Variants in MAP2 observed in about 807,000 individuals in gnomAD.
MAP2 encodes the protein microtubule associated protein 2.
In MAP2, 14 loss-of-function variants were observed where a neutral mutation model predicts 137.6. The ratio of observed to expected loss-of-function variants is 0.10; its 90% confidence interval spans 0.07 to 0.16. The LOEUF (loss-of-function observed/expected upper bound fraction) is 0.16, where lower values mean the gene tolerates loss of function less well. Ranked by LOEUF, MAP2 falls within the 10% of genes least tolerant of loss-of-function variation. The pLI is 1.00. For missense variants in MAP2, 2,088 were observed against 2,191.5 expected (o/e 0.95, Z 0.94); for synonymous variants, 786 against 782.3 (o/e 1.00, Z -0.08).
intron 2 of MAP2, among the ~76,000 whole-genome samples, chr2:209,527,784 C>T (rs1366097459): frequency 6.6e-6 from 1 of 152,152 alleles, no homozygotes. Context: ...TTGGGCTCCA[C>T]CCCAGACCTA....
chr2:209,446,109 G>GA (rs909943721), intron 1 of MAP2, among the ~76,000 whole-genome samples: 1 of 151,172 alleles, frequency 6.6e-6, no homozygotes, highest in African/African-American at 2.4e-5. Context: ...TGTGTTTTCA[G>GA]AAAAAAAAGT....
At chr2:209,587,853 T>C (rs956534367) in intron 3 of MAP2, among the ~76,000 whole-genome samples, 3 of 152,178 alleles carry the variant, frequency 2.0e-5, no homozygotes, top group African/African-American at 7.2e-5. Context: ...TTGTAATTTG[T>C]TGTATACTTA....
intron 1 of MAP2, among the ~76,000 whole-genome samples, chr2:209,441,278 G>T (rs1697696082): frequency 6.6e-6 from 1 of 151,500 alleles, no homozygotes; most frequent in African/African-American, 2.4e-5. Flanking sequence ...CAACAAGGTT[G>T]TTTTTCTTCA....
Position 209,436,440 on chromosome 2 carries a change from T to C in MAP2, c.-222+12164T>C, listed in dbSNP as rs911378293. The stretch of plus-strand genomic sequence containing the variant: ...AGCCACAAACAATAAGCAGTTCTTA[T>C]CATGTTCCAATAAAATTTTATTACT... On this transcript the variant is annotated intron_variant, in intron 1 of 15. Coordinates refer to ENST00000682079, the MANE Select transcript of MAP2 (RefSeq NM_001375505.1). 1.6e-4 allele frequency among the ~76,000 whole-genome samples: 24 copies of C among 151,768 alleles called. 1 individual carries two copies. In the South Asian group the frequency reaches 4.8e-3, roughly 30 times the overall value.
chr2:209,527,400 A>C (rs1027204295), intron 2 of MAP2, among the ~76,000 whole-genome samples: 1 of 152,122 alleles, frequency 6.6e-6, no homozygotes, highest in African/African-American at 2.4e-5. Context: ...ATAGTTGCTC[A>C]ATAATATCTG....
intron 5 of MAP2, among the ~76,000 whole-genome samples, chr2:209,674,659 A>G (rs1447986559): frequency 2.0e-5 from 3 of 151,618 alleles, no homozygotes; most frequent in Non-Finnish European, 4.4e-5. Flanking sequence ...GGATGGATGG[A>G]TGAGGTATTT....
Position 209,693,972 on chromosome 2 carries a change from G to T in MAP2, c.1802G>T (p.Ser601Ile). Reference protein sequence around the residue: ...DYYELSDTRESVHESIDTMSP... With the variant: ...DYYELSDTREIVHESIDTMSP... The stretch of plus-strand genomic sequence containing the variant: ...TATGAACTGAGTGACACTAGAGAAA[G>T]TGTCCATGAGTCTATTGATACCATG... Residue 601 changes from serine to isoleucine, a missense_variant, in exon 8 of 16, where the codon AGT (serine) becomes ATT (isoleucine). Coordinates refer to ENST00000682079, the MANE Select transcript of MAP2 (RefSeq NM_001375505.1). 1 of 1,613,898 alleles carries T rather than the reference G, an allele frequency of 6.2e-7. No homozygotes were observed. The highest frequency in any genetic ancestry group is 8.5e-7 in the Non-Finnish European group (1 of 1,179,960).
intron 4 of MAP2, among the ~76,000 whole-genome samples, chr2:209,634,606 T>C (rs1407365197): frequency 6.6e-6 from 1 of 152,138 alleles, no homozygotes; most frequent in African/African-American, 2.4e-5. Context: ...ACACACCTAA[T>C]CGCAAGGGAA....
At position 209,604,430 on chromosome 2, in the gene MAP2, C is replaced by T. The variant is rs550191545; in HGVS notation, c.-106-20623C>T. Among the ~76,000 whole-genome samples the T allele has an allele frequency of 4.1e-4, 63 of 152,176 alleles. 1 individual carries two copies. Among genetic ancestry groups the T allele is most frequent in the Non-Finnish European group, 6.3e-4 (43 of 67,992 alleles). On this transcript the variant is annotated intron_variant, in intron 3 of 15. Coordinates refer to ENST00000682079, the MANE Select transcript of MAP2 (RefSeq NM_001375505.1). ...GAATTGTAGCAAAAAGGTTTTTGCT[C>T]CTGGTCTAAAGAAACTCACCAATAT...
chr2:209,440,860 C>T (rs1697590186), intron 1 of MAP2, among the ~76,000 whole-genome samples: 1 of 151,526 alleles, frequency 6.6e-6, no homozygotes, highest in African/African-American at 2.4e-5. Flanking sequence ...CACATCCTTG[C>T]CCTCCTGAAG....
At chr2:209,523,889 G>T (rs2063633984) in intron 2 of MAP2, among the ~76,000 whole-genome samples, 1 of 152,092 alleles carries the variant, frequency 6.6e-6, no homozygotes, top group Non-Finnish European at 1.5e-5. Flanking sequence ...TACATAAAAA[G>T]GATGTTAGCA....
intron 7 of MAP2, among the ~76,000 whole-genome samples, chr2:209,681,558 A>G (rs1298020932): frequency 1.3e-5 from 2 of 152,202 alleles, no homozygotes; most frequent in Non-Finnish European, 2.9e-5. Context: ...AAAGGAAACC[A>G]TTACTGGTTC....
chr2:209,522,508 A>C (rs2063426669), intron 2 of MAP2, among the ~76,000 whole-genome samples: 1 of 147,340 alleles, frequency 6.8e-6, no homozygotes, highest in African/African-American at 2.4e-5. Flanking sequence ...TGTGACAAAT[A>C]ATTTTTAAAA....
intron 3 of MAP2, among the ~76,000 whole-genome samples, chr2:209,605,050 A>C (rs978708253): frequency 1.3e-5 from 2 of 152,182 alleles, no homozygotes; most frequent in East Asian, 3.9e-4. Context: ...ATACTAAAAG[A>C]GTATATGCGT....
At chr2:209,653,608 C>G (rs529429442) in intron 5 of MAP2, among the ~76,000 whole-genome samples, 176 bp downstream of exon 5, 53 of 152,176 alleles carry the variant, frequency 3.5e-4, no homozygotes, top group Non-Finnish European at 6.9e-4. Flanking sequence ...TGACATTTCC[C>G]CACATTATCT....
chr2:209,489,508 A>C lies in MAP2; in HGVS notation c.-221-18084A>C, dbSNP rs1441077056. Among the ~76,000 whole-genome samples the C allele has an allele frequency of 2.6e-5, 4 of 152,182 alleles. No individual in the cohort carries two copies. In the East Asian group the frequency reaches 7.7e-4, roughly 29 times the overall value. On this transcript the variant is annotated intron_variant, in intron 1 of 15. Transcript: ENST00000682079. ...GCAAACTCCTCCGACCTAAGGGAGCATGTTCTAACCCAATGAAAGGAAGCT... is the reference window on the plus strand; with the variant it reads ...GCAAACTCCTCCGACCTAAGGGAGCCTGTTCTAACCCAATGAAAGGAAGCT...
intron 1 of MAP2, among the ~76,000 whole-genome samples, chr2:209,450,274 C>T (rs1700035321): frequency 6.6e-6 from 1 of 152,138 alleles, no homozygotes; most frequent in African/African-American, 2.4e-5. Flanking sequence ...TATTAAACCT[C>T]ACATCCACTG....
intron 2 of MAP2, among the ~76,000 whole-genome samples, chr2:209,556,024 C>CTTTT (rs34673279): frequency 1.5e-5 from 2 of 134,210 alleles, no homozygotes; most frequent in Non-Finnish European, 3.1e-5. Context: ...GGCATTCTTT[C>CTTTT]TTTTTTTTTT....
intron 5 of MAP2, among the ~76,000 whole-genome samples, chr2:209,670,360 G>T (rs1211477289): frequency 6.6e-6 from 1 of 151,872 alleles, no homozygotes. Flanking sequence ...AACGATACTG[G>T]CTTACCATAT....
Sources: allele counts gnomAD v4.1 joint callset (sites outside exome capture counted in the v4.1 genomes callset), GRCh38; gene constraint gnomAD v4.1.1; transcripts MANE v1.5; gene names NCBI Gene and HGNC (gene_info 2026-07-23, HGNC 2026-07-21).